DTNB: variants seen among roughly 807,000 people sequenced by gnomAD.
The protein encoded by DTNB is DTN-B.
A neutral mutation model predicts 90.7 loss-of-function variants in DTNB; 63 were observed. That is an observed-to-expected ratio of 0.69 (90% CI 0.57 to 0.86). The LOEUF is 0.86. Among genes scored for constraint, DTNB ranks in the 40% least tolerant of loss-of-function variants. The pLI is 0.00. For missense variants in DTNB, 744 were observed against 807.1 expected (o/e 0.92, Z 0.95); for synonymous variants, 277 against 286.7 (o/e 0.97, Z 0.34).
At chr2:25,396,141 C>T (rs1375977533) in intron 16 of DTNB, among the ~76,000 whole-genome samples, 1 of 152,134 alleles carries the variant, frequency 6.6e-6, no homozygotes, top group Non-Finnish European at 1.5e-5. Context: ...AACTGGAGAC[C>T]ATTATTCTAA....
intron 8 of DTNB, among the ~76,000 whole-genome samples, chr2:25,543,348 C>T (rs1302557125): frequency 6.6e-6 from 1 of 151,934 alleles, no homozygotes; most frequent in Non-Finnish European, 1.5e-5. Context: ...CTCTGTCGCC[C>T]AGGCTGGAGT....
chr2:25,580,675 A>G, intron 7 of DTNB, 46 bp downstream of exon 7: 3 of 1,516,846 alleles, frequency 2.0e-6, no homozygotes, highest in Non-Finnish European at 2.7e-6. Context: ...ATCAGTTCCT[A>G]TACTTTCTAT....
chr2:25,645,808 C>T (rs1324500612), intron 2 of DTNB, among the ~76,000 whole-genome samples: 1 of 152,016 alleles, frequency 6.6e-6, no homozygotes, highest in Non-Finnish European at 1.5e-5. Context: ...TATTCCAATA[C>T]CCTCATATTT....
chr2:25,395,800 T>C (rs1381182393), intron 16 of DTNB, among the ~76,000 whole-genome samples: 3 of 152,196 alleles, frequency 2.0e-5, no homozygotes, highest in African/African-American at 7.2e-5. Context: ...GAGATGGAAT[T>C]TGCATTCTTA....
chr2:25,576,624 T>C, intron 8 of DTNB: 1 of 540,266 alleles, frequency 1.9e-6, no homozygotes, highest in Non-Finnish European at 3.1e-6. Context: ...ATTTCAAATG[T>C]ACTATCTTTG....
intron 9 of DTNB, among the ~76,000 whole-genome samples, chr2:25,500,456 C>CTGA (rs2070301140): frequency 6.6e-6 from 1 of 152,152 alleles, no homozygotes; most frequent in Admixed American, 6.5e-5. Context: ...GCCAACTACG[C>CTGA]TGTTCAATCA....
At chr2:25,587,161 C>T (rs980035649) in intron 6 of DTNB, among the ~76,000 whole-genome samples, 16 of 152,098 alleles carry the variant, frequency 1.1e-4, no homozygotes, top group South Asian at 4.1e-4. Flanking sequence ...AGAGCCACAA[C>T]GTCATGCTAA....
At chr2:25,667,247 G>A (rs1360607838) in intron 1 of DTNB, among the ~76,000 whole-genome samples, 2 of 152,152 alleles carry the variant, frequency 1.3e-5, no homozygotes, top group Non-Finnish European at 2.9e-5. Flanking sequence ...CCAACACTTT[G>A]GGAGGCTGTG....
At chr2:25,413,581 C>G (rs1367957330) in intron 16 of DTNB, among the ~76,000 whole-genome samples, 1 of 152,146 alleles carries the variant, frequency 6.6e-6, no homozygotes, top group African/African-American at 2.4e-5. Flanking sequence ...CATGTCCCTA[C>G]AAAGGACACA....
chr2:25,559,321 A>G (rs992798004), intron 8 of DTNB, among the ~76,000 whole-genome samples: 6 of 152,078 alleles, frequency 3.9e-5, no homozygotes, highest in Non-Finnish European at 7.4e-5. Flanking sequence ...CGGCTCTAGG[A>G]GGAAACCTGG....
intron 8 of DTNB, among the ~76,000 whole-genome samples, chr2:25,554,595 A>C (rs2056953490): frequency 6.6e-6 from 1 of 152,200 alleles, no homozygotes; most frequent in Non-Finnish European, 1.5e-5. Flanking sequence ...TCCACGCTGC[A>C]CCAGAAGACT....
intron 18 of DTNB, among the ~76,000 whole-genome samples, chr2:25,385,792 C>T (rs1294366302): frequency 1.3e-5 from 2 of 152,184 alleles, no homozygotes; most frequent in Non-Finnish European, 2.9e-5. Context: ...ATAAGCTTTA[C>T]ATTTTTGTGA....
intron 4 of DTNB, among the ~76,000 whole-genome samples, chr2:25,609,622 A>G (rs1173192392): frequency 2.0e-5 from 3 of 150,112 alleles, no homozygotes; most frequent in Non-Finnish European, 4.4e-5. Flanking sequence ...CTTGTTATAT[A>G]TGTTGCTATG....
At chr2:25,469,677 C>A (rs1199115127) in intron 10 of DTNB, among the ~76,000 whole-genome samples, 1 of 152,140 alleles carries the variant, frequency 6.6e-6, no homozygotes, top group Non-Finnish European at 1.5e-5. Flanking sequence ...AAACTCCTGA[C>A]CTCAAGTGAT....
intron 8 of DTNB, among the ~76,000 whole-genome samples, chr2:25,552,841 ATTTTTTTTTT>A (rs544243784): frequency 1.4e-4 from 12 of 86,032 alleles, no homozygotes; most frequent in African/African-American, 3.4e-4. Context: ...TCTCTTTTTG[ATTTTTTTTTT>A]TTTTTTTTTT....
intron 8 of DTNB, among the ~76,000 whole-genome samples, chr2:25,565,165 A>G (rs550328941): frequency 6.6e-6 from 1 of 152,288 alleles, no homozygotes; most frequent in East Asian, 1.9e-4. Context: ...GCAGGAGTGG[A>G]TATCCTTGTC....
chr2:25,465,598 G>A (rs1004122198), intron 10 of DTNB, among the ~76,000 whole-genome samples: 10 of 152,078 alleles, frequency 6.6e-5, no homozygotes, highest in South Asian at 2.1e-4. Context: ...CGCTTCAGCC[G>A]TGCTGACCTT....
In DTNB at chr2:25,531,521, G is replaced by A. The variant is rs942074375; in HGVS notation, c.953C>T (p.Pro318Leu). 4 of 1,613,942 alleles carry A rather than the reference G, an allele frequency of 2.5e-6. No individual in the cohort carries two copies. The highest frequency in any genetic ancestry group is 2.2e-5 in the East Asian group (1 of 44,888). ...GCVPTREPPH[P>L]VFPEQPEKPL... is the part of the protein sequence containing the mutation. ...TTTCTCTGGTTGCTCAGGAAAAACAGGATGCGGGGGTTCTCTCGTGGGTAC... is the reference window on the plus strand; with the variant it reads ...TTTCTCTGGTTGCTCAGGAAAAACAAGATGCGGGGGTTCTCTCGTGGGTAC... Residue 318 changes from proline to leucine, a missense_variant, in exon 9 of 21, where the codon CCT (proline) becomes CTT (leucine). Physicochemically the swap from Pro to Leu is moderately conservative, Grantham distance 98. Coordinates refer to ENST00000406818, the MANE Select transcript of DTNB (RefSeq NM_021907.5).
intron 16 of DTNB, among the ~76,000 whole-genome samples, chr2:25,404,929 TA>T (rs1333059257): frequency 6.6e-6 from 1 of 152,102 alleles, no homozygotes. Context: ...CCACCATTAT[TA>T]TTTTTTTTGT....
Sources: gnomAD v4.1 joint callset for allele counts (sites outside exome capture counted in the v4.1 genomes callset) on GRCh38, gnomAD v4.1.1 for gene constraint, MANE v1.5 for transcripts, NCBI Gene and HGNC (gene_info 2026-07-23, HGNC 2026-07-21) for gene names.